The following TBCD variants were observed in gnomAD, a reference collection of about 807,000 sequenced individuals.
TBCD encodes tubulin-specific chaperone D.
A neutral mutation model predicts 169.3 loss-of-function variants in TBCD; 105 were observed. The observed-to-expected ratio is 0.62, with a 90% confidence interval of 0.53 to 0.73. TBCD has a LOEUF of 0.73. TBCD is among the 30% of genes least tolerant of loss of function. TBCD has a pLI of 0.00. For missense variants in TBCD, 1,444 were observed against 1,600.1 expected (o/e 0.90, Z 1.66); for synonymous variants, 700 against 643.9 (o/e 1.09, Z -1.32).
intron 7 of TBCD, among the ~76,000 whole-genome samples, chr17:82,786,561 G>A (rs1275954950): frequency 6.6e-6 from 1 of 152,254 alleles, no homozygotes; most frequent in Non-Finnish European, 1.5e-5. Flanking sequence ...GGGTCAGCAG[G>A]ATATCCCAGC....
At chr17:82,819,686 G>A (rs1567832592) in intron 13 of TBCD, among the ~76,000 whole-genome samples, 1 of 152,192 alleles carries the variant, frequency 6.6e-6, no homozygotes, top group East Asian at 1.9e-4. Flanking sequence ...TGGACAGTGG[G>A]CCATGTTCTT....
intron 28 of TBCD, 30 bp from the exon 29 acceptor site, chr17:82,927,156 G>A: frequency 6.2e-7 from 1 of 1,613,616 alleles, no homozygotes; most frequent in Non-Finnish European, 8.5e-7. Flanking sequence ...ACCGATGTTT[G>A]TTTGTTAGCT....
At chr17:82,822,922 G>A (rs904021437) in intron 13 of TBCD, among the ~76,000 whole-genome samples, 3 of 152,174 alleles carry the variant, frequency 2.0e-5, no homozygotes, top group Non-Finnish European at 2.9e-5. Flanking sequence ...CTTGAACCGG[G>A]TTCCCAGGCT....
chr17:82,938,785 G>A (rs1374992351), intron 36 of TBCD, among the ~76,000 whole-genome samples: 1 of 151,786 alleles, frequency 6.6e-6, no homozygotes. Flanking sequence ...GAGCAGGCGA[G>A]ATTGCTTCCC....
intron 8 of TBCD, among the ~76,000 whole-genome samples, chr17:82,798,151 A>ATTT (rs11288367): frequency 2.5e-5 from 3 of 117,804 alleles, no homozygotes; most frequent in African/African-American, 9.1e-5. Flanking sequence ...TAATTTTTGT[A>ATTT]TTTTTTTTTT....
chr17:82,784,680 T>C (rs1291150721), intron 7 of TBCD, among the ~76,000 whole-genome samples: 2 of 152,196 alleles, frequency 1.3e-5, no homozygotes, highest in African/African-American at 4.8e-5. Flanking sequence ...CTGGGAATTC[T>C]GGTAGCTTCA....
In TBCD at chr17:82,789,456, G is replaced by A. The variant is rs571460221; in HGVS notation, c.771+7735G>A. Among the ~76,000 whole-genome samples the A allele has an allele frequency of 4.6e-5, 7 of 152,190 alleles. No homozygotes were observed. The South Asian group carries it at 1.4e-3, about 31-fold the overall frequency. ...CTTGGCGGGTCACCAGCCTCACCCC[G>A]CTCAGTTCTTAGATGAGGAAGAGAC... On this transcript the variant is annotated intron_variant, in intron 7 of 38. Transcript: ENST00000355528. The surrounding 1 kb of genome is among the most constrained non-coding windows in gnomAD (Gnocchi z 4.8).
At chr17:82,876,829 C>A in intron 14 of TBCD, 1 of 261,616 alleles carries the variant, frequency 3.8e-6, no homozygotes, top group Non-Finnish European at 5.9e-6. Flanking sequence ...CCAGCTTTGC[C>A]TGCTGCAGCC....
intron 7 of TBCD, among the ~76,000 whole-genome samples, chr17:82,796,743 T>G (rs1466892685): frequency 6.6e-6 from 1 of 152,234 alleles, no homozygotes; most frequent in Non-Finnish European, 1.5e-5. Context: ...GCGGGCTCCA[T>G]GGAGAGAGTC....
intron 15 of TBCD, among the ~76,000 whole-genome samples, chr17:82,887,186 CGCTCACGCGT>C (rs2058815036): frequency 7.1e-6 from 1 of 141,632 alleles, no homozygotes; most frequent in Non-Finnish European, 1.5e-5. Flanking sequence ...CGCGCACGTG[CGCTCACGCGT>C]TTACTTCTGT....
At chr17:82,756,770 G>A (rs1203086277) in intron 2 of TBCD, among the ~76,000 whole-genome samples, 8 of 152,166 alleles carry the variant, frequency 5.3e-5, no homozygotes, top group Admixed American at 3.9e-4. Flanking sequence ...GAGCCACCGC[G>A]CCTGGCCTCC....
chr17:82,770,950 G>T (rs1186739438), intron 5 of TBCD, among the ~76,000 whole-genome samples: 1 of 150,898 alleles, frequency 6.6e-6, no homozygotes, highest in Non-Finnish European at 1.5e-5. Flanking sequence ...TTGGGAGGCT[G>T]AGGCAGAGAA....
In TBCD at chr17:82,897,368, A is replaced by T. The variant is rs1318012813; in HGVS notation, c.1650-3283A>T. On this transcript the variant is annotated intron_variant, in intron 17 of 38. Coordinates refer to ENST00000355528, the MANE Select transcript of TBCD (RefSeq NM_005993.5). ...CCCCGTCTCTACCAAAAATGCAAAAATTAGTCGGGCATGGTGGCGCACCCC... is the reference window on the plus strand; with the variant it reads ...CCCCGTCTCTACCAAAAATGCAAAATTTAGTCGGGCATGGTGGCGCACCCC... 2.6e-5 allele frequency among the ~76,000 whole-genome samples: 4 copies of T among 152,024 alleles called. No homozygotes were observed. In the East Asian group the frequency reaches 7.7e-4, roughly 29 times the overall value.
chr17:82,842,688 C>T (rs1257505200), intron 13 of TBCD, among the ~76,000 whole-genome samples: 1 of 152,088 alleles, frequency 6.6e-6, no homozygotes, highest in Non-Finnish European at 1.5e-5. Context: ...ATCTACTCTT[C>T]AACCTCACTG....
intron 13 of TBCD, among the ~76,000 whole-genome samples, chr17:82,866,895 C>T (rs2057212094): frequency 6.6e-6 from 1 of 152,222 alleles, no homozygotes; most frequent in Non-Finnish European, 1.5e-5. Context: ...AGGAGTGCGC[C>T]AGGTGGGCCT....
chr17:82,806,462 G>T lies in TBCD; in HGVS notation c.1087+451G>T, dbSNP rs2050968445. 6.6e-6 allele frequency among the ~76,000 whole-genome samples: 1 copy of T among 152,018 alleles called. No homozygotes were observed. Among genetic ancestry groups the T allele is most frequent in the Non-Finnish European group, 1.5e-5 (1 of 67,994 alleles). On this transcript the variant is annotated intron_variant, in intron 10 of 38. Coordinates refer to ENST00000355528, the MANE Select transcript of TBCD (RefSeq NM_005993.5). The surrounding 1 kb of genome is among the most constrained non-coding windows in gnomAD (Gnocchi z 5.1). ...TCCACTGCCCTGTTCTCCTCCTGTG[G>T]GGTCTCCTGCTGCACAGAGACAGAG...
chr17:82,815,166 C>T (rs192011521), intron 13 of TBCD, among the ~76,000 whole-genome samples: 3 of 152,348 alleles, frequency 2.0e-5, no homozygotes, highest in African/African-American at 7.2e-5. Context: ...CTACCTTTTT[C>T]TCGCATTGGC....
intron 32 of TBCD, chr17:82,929,766 T>C: frequency 1.7e-6 from 1 of 589,770 alleles, no homozygotes; most frequent in Non-Finnish European, 3.0e-6. Context: ...GCTCCCAGCG[T>C]CCCCTCGGGG....
chr17:82,939,011 TAGC>T (rs1385275239), intron 36 of TBCD: 11 of 353,206 alleles, frequency 3.1e-5, no homozygotes, highest in Admixed American at 4.7e-5. Context: ...GGTTGGTTAA[TAGC>T]AGGCGAGATT....
Sources: gnomAD v4.1 joint callset for allele counts (sites outside exome capture counted in the v4.1 genomes callset) on GRCh38, gnomAD v4.1.1 for gene constraint, Gnocchi (gnomAD v3.1) non-coding constraint, MANE v1.5 for transcripts, NCBI Gene and HGNC (gene_info 2026-07-23, HGNC 2026-07-21) for gene names.